The following MFSD12 variants were observed in gnomAD, a reference collection of about 807,000 sequenced individuals.
The protein encoded by MFSD12 is major facilitator superfamily domain containing 12.
Under a neutral mutation model 51.2 loss-of-function variants are expected in MFSD12, and 67 were observed. The ratio of observed to expected loss-of-function variants is 1.31; its 90% CI spans 1.08 to 1.60. The LOEUF is 1.60. MFSD12 is among the 40% of genes most tolerant of loss of function. The probability of loss-of-function intolerance (pLI) is 0.00; values close to 1 mark genes in which losing one functional copy is unlikely to be tolerated. For missense variants in MFSD12, 921 were observed against 673.0 expected (o/e 1.37, Z -4.08); for synonymous variants, 441 against 316.7 (o/e 1.39, Z -4.17).
At chr19:3,543,397 C>A, downstream of MFSD12, 1 of 1,549,002 alleles carries the variant, frequency 6.5e-7, no homozygotes, top group Non-Finnish European at 8.7e-7. Context: ...TGCCACGGGC[C>A]CCGGCCAGCC....
intron 1 of MFSD12, 98 bp downstream of exon 1, chr19:3,557,008 G>C: frequency 1.0e-6 from 1 of 957,548 alleles, no homozygotes; most frequent in Non-Finnish European, 1.3e-6. Flanking sequence ...CCGATCCTGA[G>C]GCAGGCAGAC....
rs982596454 is a variant in MFSD12 at position 3,555,773 on chromosome 19, C to T, written c.298+1333G>A. Among the ~76,000 whole-genome samples the T allele has an allele frequency of 3.9e-5, 6 of 152,242 alleles. No individual in the cohort carries two copies. The South Asian group carries it at 1.2e-3, about 32-fold the overall frequency. ...GCCACCTGGAATTCCAAGAACTGAG[C>T]AGGATTCCTGGCCCTGCCTGCTGAA... is the stretch of plus-strand genomic sequence containing the variant. On this transcript the variant is annotated intron_variant, in intron 1 of 9. Coordinates refer to ENST00000355415, the MANE Select transcript of MFSD12 (RefSeq NM_174983.5).
In MFSD12 at chr19:3,546,147, C is replaced by A; in HGVS notation, c.1216G>T (p.Gly406Cys). 6.2e-7 allele frequency: 1 copy of A among 1,613,176 alleles called. No homozygotes were observed. The highest frequency in any genetic ancestry group is 8.5e-7 in the Non-Finnish European group (1 of 1,179,968). Residue 406 changes from glycine (G) to cysteine (C), a missense_variant, in exon 8 of 10, where the codon GGC becomes TGC. Transcript: ENST00000355415. ...PHTNSGAFVY[G>C]SMSFLDKVAN... ...ACCTTATCCAAGAAGCTCATGGAGC[C>A]GTACACGAACGCTCCGCTGTTCTGT...
At position 3,551,302 on chromosome 19, in the gene MFSD12, G is replaced by T; in HGVS notation, c.299-108C>A. ...GGGAAACTGAGGCACAGATGGAGAC[G>T]CCCCCCGCATGCACACAGTCACGCA... On this transcript the variant is annotated intron_variant, in intron 1 of 9. Coordinates refer to ENST00000355415, the MANE Select transcript of MFSD12 (RefSeq NM_174983.5). The surrounding 1 kb of genome is among the most constrained non-coding windows in gnomAD (Gnocchi z 4.6). The T allele has an allele frequency of 1.2e-6, 1 of 864,864 alleles. No individual in the cohort carries two copies. Among genetic ancestry groups the T allele is most frequent in the Non-Finnish European group, 1.7e-6 (1 of 572,430 alleles). The allele number at this position is 864,864 out of a possible 1,614,324, so 53.6% of individuals were successfully genotyped here.
In MFSD12 at chr19:3,547,553, G is replaced by C; in HGVS notation, c.838-6C>G. The stretch of plus-strand genomic sequence containing the variant: ...GTCATGTACAGTATGCCCACCTGTG[G>C]GCAGACCGACAGAGGGACTGGCAGG... On this transcript the variant is annotated splice_polypyrimidine_tract_variant and splice_region_variant and intron_variant, in intron 4 of 9. Transcript: ENST00000355415. 6.2e-7 allele frequency: 1 copy of C among 1,606,324 alleles called. No homozygotes were observed. Among genetic ancestry groups the C allele is most frequent in the Non-Finnish European group, 8.5e-7 (1 of 1,176,674 alleles).
At chr19:3,539,129 C>T (rs1568246217) in intron 4 of MFSD12, 6 of 1,317,932 alleles carry the variant, frequency 4.6e-6, no homozygotes, top group Admixed American at 2.0e-5. Context: ...ATGCTGTCAA[C>T]GGTGGCCTCA....
intron 6 of MFSD12, 71 bp downstream of exon 6, chr19:3,547,201 G>C (rs1328185006): frequency 8.9e-6 from 12 of 1,355,150 alleles, no homozygotes; most frequent in African/African-American, 1.4e-5. Flanking sequence ...ATGGAACCCG[G>C]AGCGGGTGGG....
At chr19:3,555,571 G>A (rs1367858909) in intron 1 of MFSD12, among the ~76,000 whole-genome samples, 2 of 152,204 alleles carry the variant, frequency 1.3e-5, no homozygotes, top group Non-Finnish European at 2.9e-5. Flanking sequence ...GGAATAGCCT[G>A]GACATAGGAA....
At chr19:3,541,207 G>A (rs1361736095), downstream of MFSD12, among the ~76,000 whole-genome samples, 7 of 149,522 alleles carry the variant, frequency 4.7e-5, no homozygotes, top group South Asian at 2.1e-4. Context: ...ATGGCGGCAC[G>A]TGCCTGTAAT....
chr19:3,553,990 G>C (rs932845283), intron 1 of MFSD12, among the ~76,000 whole-genome samples: 29 of 152,030 alleles, frequency 1.9e-4, no homozygotes, highest in African/African-American at 7.0e-4. Flanking sequence ...GCTGAGGCAG[G>C]AGAATCACTT....
At chr19:3,539,005 C>G in intron 4 of MFSD12, 1 of 629,900 alleles carries the variant, frequency 1.6e-6, no homozygotes, top group Non-Finnish European at 2.9e-6. Context: ...ACTGTGTCAC[C>G]CCCAGTTGTT....
Position 3,544,824 on chromosome 19 carries a change from T to C in MFSD12, c.1405A>G (p.Thr469Ala). ...LCLCSLLLWP[T>A]RLRRWDRDAR... ...CAGGACTCACAGCGTCGCAGGCGGG[T>C]CGGCCACAGCAGGAGGCTACAGAGA... Residue 469 changes from threonine (T) to alanine (A), a missense_variant, in exon 9 of 10, where the codon ACC (threonine) becomes GCC (alanine). Thr to Ala is a moderately conservative substitution (Grantham distance 58). Coordinates refer to ENST00000355415, the MANE Select transcript of MFSD12 (RefSeq NM_174983.5). The C allele has an allele frequency of 6.2e-7, 1 of 1,611,590 alleles. No homozygotes were observed. The highest frequency in any genetic ancestry group is 1.1e-5 in the South Asian group (1 of 90,966).
At chr19:3,556,322 G>C (rs775851344) in intron 1 of MFSD12, among the ~76,000 whole-genome samples, 11 of 152,330 alleles carry the variant, frequency 7.2e-5, no homozygotes, top group Middle Eastern at 6.8e-3. Context: ...ACCCTCCAGA[G>C]GGTTCAGGGT....
At chr19:3,555,910 G>A (rs994826933) in intron 1 of MFSD12, among the ~76,000 whole-genome samples, 1 of 152,230 alleles carries the variant, frequency 6.6e-6, no homozygotes, top group Non-Finnish European at 1.5e-5. Flanking sequence ...GGGGAGAGGA[G>A]GGCCGCTGGG....
At chr19:3,555,269 C>T (rs893500162) in intron 1 of MFSD12, among the ~76,000 whole-genome samples, 6 of 152,100 alleles carry the variant, frequency 3.9e-5, no homozygotes, top group Non-Finnish European at 7.4e-5. Flanking sequence ...CCACCACGCT[C>T]GGCTAATTTT....
rs1296759358 is a variant in MFSD12 at position 3,551,708 on chromosome 19, G to A, written c.299-514C>T. Among the ~76,000 whole-genome samples the A allele has an allele frequency of 1.3e-5, 2 of 152,170 alleles. No homozygotes were observed. The highest frequency in any genetic ancestry group is 1.5e-5 in the Non-Finnish European group (1 of 68,020). On this transcript the variant is annotated intron_variant, in intron 1 of 9. Transcript: ENST00000355415. The surrounding 1 kb of genome is among the most constrained non-coding windows in gnomAD (Gnocchi z 4.6). Reference sequence around the variant, plus strand: ...CCTGAGATCTGCGGTGGCAAGGCCTGGCTCTTCACATCCTCAGAAGAAAAC... The same window carrying A: ...CCTGAGATCTGCGGTGGCAAGGCCTAGCTCTTCACATCCTCAGAAGAAAAC...
At chr19:3,541,640 T>G (rs140921071), downstream of MFSD12, 882 of 985,126 alleles carry the variant, frequency 9.0e-4, 9 homozygotes, top group African/African-American at 0.015. Flanking sequence ...ATTTCTATTT[T>G]TTAAAAAAAT....
At chr19:3,539,294 CCCCT>C (rs138477057), downstream of MFSD12, 1,045 of 1,262,132 alleles carry the variant, frequency 8.3e-4, no homozygotes, top group Middle Eastern at 1.7e-3. Flanking sequence ...CCCCTCCCAG[CCCCT>C]CCCTCCCTCC....
intron 2 of MFSD12, among the ~76,000 whole-genome samples, chr19:3,549,195 C>CAAGT (rs935049430): frequency 1.3e-4 from 20 of 152,302 alleles, no homozygotes; most frequent in African/African-American, 4.1e-4. Context: ...GCGCCTCTAG[C>CAAGT]AAGTTAGTGG....
Sources: allele counts gnomAD v4.1 joint callset (sites outside exome capture counted in the v4.1 genomes callset), GRCh38; gene constraint gnomAD v4.1.1; non-coding constraint Gnocchi (gnomAD v3.1); transcripts MANE v1.5; gene names NCBI Gene and HGNC (gene_info 2026-07-23, HGNC 2026-07-21).